The following FAT3 variants were observed in gnomAD, a reference collection of about 807,000 sequenced individuals.
The protein encoded by FAT3 is FAT atypical cadherin 3.
In FAT3, 95 loss-of-function variants were observed where a neutral mutation model predicts 310.2. The observed-to-expected ratio is 0.31, with a 90% confidence interval of 0.26 to 0.36. The LOEUF (loss-of-function observed/expected upper bound fraction) is 0.36, where lower values mean the gene tolerates loss of function less well. Ranked by LOEUF, FAT3 falls within the 10% of genes least tolerant of loss-of-function variation. FAT3 has a pLI of 1.00. For missense variants in FAT3, 5,408 were observed against 5,715.6 expected, an observed-to-expected ratio of 0.95 and a Z score of 1.74; for synonymous variants, 2,314 against 2,192.9, an observed-to-expected ratio of 1.06 and a Z score of -1.54.
intron 3 of FAT3, among the ~76,000 whole-genome samples, chr11:92,594,918 C>A (rs1939624970): frequency 6.6e-6 from 1 of 151,708 alleles, no homozygotes; most frequent in Non-Finnish European, 1.5e-5. Flanking sequence ...GTATGGTTAG[C>A]TTAAAATAAA....
At chr11:92,574,573 A>G (rs907011951) in intron 3 of FAT3, among the ~76,000 whole-genome samples, 2 of 152,140 alleles carry the variant, frequency 1.3e-5, no homozygotes, top group African/African-American at 4.8e-5. Flanking sequence ...GGGAGGAAGC[A>G]GCTTTATTTC....
At chr11:92,575,757 G>A (rs1302110915) in intron 3 of FAT3, among the ~76,000 whole-genome samples, 6 of 152,036 alleles carry the variant, frequency 3.9e-5, no homozygotes, top group African/African-American at 9.7e-5. Context: ...CTGAGAGGGG[G>A]TCTTTTTTTT....
rs10528724 is a variant in FAT3 at position 92,649,874 on chromosome 11, CATATATATAT to C, written c.3608-47477_3608-47468del. 6.4e-3 allele frequency among the ~76,000 whole-genome samples: 319 copies of C among 49,636 alleles called. 6 individuals are homozygous for C. Among genetic ancestry groups the C allele is most frequent in the Non-Finnish European group, 9.1e-3 (235 of 25,698 alleles). 32.6% of individuals were successfully genotyped at this position (49,636 alleles called of 152,430 possible). On this transcript the variant is annotated intron_variant, in intron 3 of 27. Coordinates refer to ENST00000525166, the MANE Select transcript of FAT3 (RefSeq NM_001367949.2). ...TTGTTAAACACCCACTTTGTATGTTCATATATATATATATATATATATATATATATATATA... is the reference window on the plus strand; with the variant it reads ...TTGTTAAACACCCACTTTGTATGTTCATATATATATATATATATATATATA...
chr11:92,387,187 G>T (rs769325400), intron 2 of FAT3, among the ~76,000 whole-genome samples: 4 of 151,410 alleles, frequency 2.6e-5, no homozygotes, highest in Non-Finnish European at 5.9e-5. Flanking sequence ...AGAGAAATAG[G>T]TATTATTCTA....
At chr11:92,620,575 G>A (rs548044957) in intron 3 of FAT3, among the ~76,000 whole-genome samples, 177 of 152,038 alleles carry the variant, frequency 1.2e-3, no homozygotes, top group African/African-American at 3.6e-3. Flanking sequence ...CAGTCAAACC[G>A]TCTTCTAAGC....
rs758687629 is a variant in FAT3 at position 92,887,083 on chromosome 11, T to C, written c.13021T>C (p.Ser4341Pro). ...GSNSEVQSLS[S>P]FQSDSGDDNA... ...CAACTCTGAAGTTCAGTCCCTCAGC[T>C]CCTTCCAGTCAGATTCTGGTGACGA... Residue 4341 changes from serine (S) to proline (P), a missense_variant, in exon 25 of 28, where the codon TCC (serine) becomes CCC (proline). Ser to Pro is a moderately conservative substitution (Grantham distance 74). Transcript: ENST00000525166. 1.9e-6 allele frequency: 3 copies of C among 1,611,580 alleles called. No individual in the cohort carries two copies. In the Admixed American group the frequency reaches 5.0e-5, roughly 27 times the overall value.
intron 4 of FAT3, among the ~76,000 whole-genome samples, chr11:92,731,251 G>T (rs1945169803): frequency 6.6e-6 from 1 of 151,984 alleles, no homozygotes; most frequent in Non-Finnish European, 1.5e-5. Flanking sequence ...GTTCATTATT[G>T]GTGCCAGTTT....
intron 6 of FAT3, among the ~76,000 whole-genome samples, chr11:92,769,637 T>C (rs552007342): frequency 9.2e-5 from 14 of 152,290 alleles, no homozygotes; most frequent in Admixed American, 3.3e-4. Context: ...GGGAGAAAAA[T>C]AGTTTTCTTT....
At chr11:92,499,733 G>GTGTA (rs1281128081) in intron 2 of FAT3, among the ~76,000 whole-genome samples, 245 of 127,734 alleles carry the variant, frequency 1.9e-3, no homozygotes, top group Middle Eastern at 0.018. Context: ...ATGTGTGTGT[G>GTGTA]TGTGTGTGTG....
rs1949914037 is a variant in FAT3, at chr11:92,891,296, G to C, written c.*183G>C. 5 of 833,192 alleles carry C rather than the reference G, an allele frequency of 6.0e-6. No individual in the cohort carries two copies. Among genetic ancestry groups the C allele is most frequent in the Non-Finnish European group, 9.1e-6 (5 of 552,430 alleles). 51.6% of individuals were successfully genotyped at this position (833,192 alleles called of 1,614,324 possible). ...AGCTTGATTCCAGTTGGGTGAAAAT[G>C]AAAGGCTCAGAAATTGTTTTTGAGA... On this transcript the variant is annotated 3_prime_UTR_variant, in exon 28 of 28. Coordinates refer to ENST00000525166, the MANE Select transcript of FAT3 (RefSeq NM_001367949.2).
intron 1 of FAT3, among the ~76,000 whole-genome samples, chr11:92,282,077 T>G (rs1946439217): frequency 1.3e-5 from 2 of 152,150 alleles, no homozygotes; most frequent in Non-Finnish European, 2.9e-5. Flanking sequence ...GACTAATTTT[T>G]GTATGTTTAG....
At chr11:92,360,441 G>A (rs1310685534) in intron 2 of FAT3, among the ~76,000 whole-genome samples, 1 of 152,220 alleles carries the variant, frequency 6.6e-6, no homozygotes, top group African/African-American at 2.4e-5. Flanking sequence ...TCTGGAAGAT[G>A]CAATTTAATC....
chr11:92,723,629 G>A (rs1376855933), intron 4 of FAT3, among the ~76,000 whole-genome samples: 2 of 152,136 alleles, frequency 1.3e-5, no homozygotes, highest in Non-Finnish European at 2.9e-5. Context: ...TCAAGACTGG[G>A]CAATTTACAA....
chr11:92,630,801 A>G (rs1024562109), intron 3 of FAT3, among the ~76,000 whole-genome samples: 2 of 151,418 alleles, frequency 1.3e-5, no homozygotes, highest in Non-Finnish European at 2.9e-5. Flanking sequence ...TTATGTTCTC[A>G]CCCACCCCTA....
At position 92,705,367 on chromosome 11, in the gene FAT3, T is replaced by G. The variant is rs199551164; in HGVS notation, c.3669+7922T>G. Among the ~76,000 whole-genome samples the G allele has an allele frequency of 9.7e-3, 739 of 75,990 alleles. 6 individuals carry two copies. Among genetic ancestry groups the G allele is most frequent in the African/African-American group, 0.035 (693 of 19,762 alleles). The allele number at this position is 75,990 out of a possible 152,430, so 49.9% of individuals were successfully genotyped here. ...TGGTGATGATGGTAGTGTGATGGTG[T>G]TGGTGATGGTGTTGGTGGTGGTGGT... On this transcript the variant is annotated intron_variant, in intron 4 of 27. Coordinates refer to ENST00000525166, the MANE Select transcript of FAT3 (RefSeq NM_001367949.2).
intron 2 of FAT3, among the ~76,000 whole-genome samples, chr11:92,501,280 T>C (rs1952930934): frequency 6.6e-6 from 1 of 152,066 alleles, no homozygotes; most frequent in Non-Finnish European, 1.5e-5. Context: ...TGTAAAATAT[T>C]GCAGAGAATT....
intron 3 of FAT3, among the ~76,000 whole-genome samples, chr11:92,666,831 G>T (rs748362469): frequency 6.6e-6 from 1 of 152,110 alleles, no homozygotes; most frequent in African/African-American, 2.4e-5. Context: ...GAAAGAGCAT[G>T]AAGCAAGGGC....
At chr11:92,881,017 T>TA in intron 23 of FAT3, 133 bp downstream of exon 23, 1 of 949,884 alleles carries the variant, frequency 1.1e-6, no homozygotes, top group Admixed American at 2.4e-5. Context: ...ACGATACGTA[T>TA]AAGGAGTGCT....
chr11:92,887,160 G>A (rs765760049), intron 25 of FAT3, 47 bp downstream of exon 25: 1 of 1,507,554 alleles, frequency 6.6e-7, no homozygotes. Flanking sequence ...TCTGCTTCCT[G>A]TTCTGGAAGA....
Sources: allele counts gnomAD v4.1 joint callset (sites outside exome capture counted in the v4.1 genomes callset), GRCh38; gene constraint gnomAD v4.1.1; transcripts MANE v1.5; gene names NCBI Gene and HGNC (gene_info 2026-07-23, HGNC 2026-07-21).